Variants in PPP4R4 observed in about 807,000 individuals in gnomAD.
PPP4R4 encodes the protein protein phosphatase 4 regulatory subunit 4, also known as serine/threonine-protein phosphatase 4 regulatory subunit 4.
PPP4R4 carries 70 observed loss-of-function variants against 121.8 expected under a neutral mutation model. That is an observed-to-expected ratio of 0.57 (90% confidence interval 0.47 to 0.70). The LOEUF is 0.70. Ranked by LOEUF, PPP4R4 falls within the 30% of genes least tolerant of loss-of-function variation. The pLI is 0.00. For synonymous variants in PPP4R4, 348 were observed against 355.7 expected, an observed-to-expected ratio of 0.98 and a Z score of 0.24; for missense variants, 875 against 1,033.6, an observed-to-expected ratio of 0.85 and a Z score of 2.10.
intron 2 of PPP4R4, among the ~76,000 whole-genome samples, chr14:94,185,498 C>A (rs1227986823): frequency 1.7e-4 from 25 of 150,732 alleles, no homozygotes; most frequent in Admixed American, 1.7e-3. Flanking sequence ...CAGTGTGAGA[C>A]CCTGTCTCAA....
chr14:94,264,767 T>G (rs1385730264), intron 19 of PPP4R4, 111 bp from the exon 20 acceptor site: 1 of 812,562 alleles, frequency 1.2e-6, no homozygotes, highest in African/African-American at 1.8e-5. Context: ...AAATACTTCT[T>G]TTAGGCATTT....
chr14:94,212,493 C>T (rs1018313077), intron 3 of PPP4R4, among the ~76,000 whole-genome samples: 1 of 151,978 alleles, frequency 6.6e-6, no homozygotes, highest in Non-Finnish European at 1.5e-5. Context: ...TGCAGTTAGG[C>T]CACTCATCTG....
chr14:94,271,411 A>G (rs1401717046), intron 23 of PPP4R4, among the ~76,000 whole-genome samples: 1 of 152,222 alleles, frequency 6.6e-6, no homozygotes, highest in East Asian at 1.9e-4. Context: ...AGGAAGAAAA[A>G]TCACATGATC....
rs555897778 is a variant in PPP4R4 at position 94,278,720 on chromosome 14, G to T, written c.*77G>T. On this transcript the variant is annotated 3_prime_UTR_variant, in exon 25 of 25. Coordinates refer to ENST00000304338, the MANE Select transcript of PPP4R4 (RefSeq NM_058237.2). ...TTGGTACACAAAAGCTAAAGCAGTG[G>T]CTGGGGCTTTGTTTTTAAATTTTGG... is the stretch of plus-strand genomic sequence containing the variant. The T allele has an allele frequency of 5.8e-6, 8 of 1,368,188 alleles. No homozygotes were observed. Among genetic ancestry groups the T allele is most frequent in the Admixed American group, 2.6e-5 (1 of 38,084 alleles). The allele number at this position is 1,368,188 out of a possible 1,614,324, so 84.8% of individuals were successfully genotyped here.
chr14:94,267,045 A>T lies in PPP4R4; in HGVS notation c.2449+16A>T. ...TCACTAGCTGGTAAGTAGCAATCTA[A>T]GTTCTTCAAAAAGTTGCTAAATTTA... On this transcript the variant is annotated intron_variant, in intron 23 of 24. Transcript: ENST00000304338. 1 of 1,542,760 alleles carries T rather than the reference A, an allele frequency of 6.5e-7. No homozygotes were observed. Among genetic ancestry groups the T allele is most frequent in the East Asian group, 2.3e-5 (1 of 44,264 alleles).
intron 14 of PPP4R4, among the ~76,000 whole-genome samples, chr14:94,249,082 A>G (rs1374605983): frequency 6.6e-6 from 1 of 151,978 alleles, no homozygotes; most frequent in Non-Finnish European, 1.5e-5. Flanking sequence ...TATAATATAT[A>G]TTTTATATGA....
intron 3 of PPP4R4, among the ~76,000 whole-genome samples, chr14:94,223,894 T>C (rs1441939597): frequency 6.6e-6 from 1 of 152,126 alleles, no homozygotes; most frequent in African/African-American, 2.4e-5. Flanking sequence ...CCTGTCACCA[T>C]CTCCACATCC....
At chr14:94,207,715 T>C (rs1006493663) in intron 2 of PPP4R4, among the ~76,000 whole-genome samples, 10 of 151,586 alleles carry the variant, frequency 6.6e-5, no homozygotes, top group African/African-American at 2.4e-4. Flanking sequence ...TCTATCTATA[T>C]ATATATATGT....
chr14:94,226,803 C>T (rs1007137545), intron 3 of PPP4R4, among the ~76,000 whole-genome samples: 4 of 152,000 alleles, frequency 2.6e-5, no homozygotes, highest in Non-Finnish European at 5.9e-5. Context: ...GTTCCTTTAC[C>T]TTTTACTAGC....
intron 22 of PPP4R4, 36 bp from the exon 23 acceptor site, chr14:94,266,923 T>TA (rs1894082068): frequency 1.5e-6 from 2 of 1,368,198 alleles, no homozygotes; most frequent in East Asian, 4.6e-5. Context: ...AAGAAGTGTG[T>TA]TTTTGTATTT....
At chr14:94,233,825 T>A in intron 6 of PPP4R4, 66 bp downstream of exon 6, 1 of 1,031,302 alleles carries the variant, frequency 9.7e-7, no homozygotes, top group Non-Finnish European at 1.5e-6. Flanking sequence ...AATGACTGTG[T>A]AACAATATAT....
rs777485075 is a variant in PPP4R4, at chr14:94,265,375, A to G, written c.2198-12A>G. On this transcript the variant is annotated splice_polypyrimidine_tract_variant and intron_variant, in intron 20 of 24. Transcript: ENST00000304338. ...GAGGAAATTATACAACTTAAAGCAGAATTTATTTTAGGTAGAGACACTAAG... is the reference window on the plus strand; with the variant it reads ...GAGGAAATTATACAACTTAAAGCAGGATTTATTTTAGGTAGAGACACTAAG... 1.3e-6 allele frequency: 2 copies of G among 1,587,724 alleles called. No individual in the cohort carries two copies. Among genetic ancestry groups the G allele is most frequent in the Admixed American group, 3.3e-5 (2 of 59,896 alleles).
chr14:94,224,724 A>G (rs1464046168), intron 3 of PPP4R4, among the ~76,000 whole-genome samples: 1 of 152,152 alleles, frequency 6.6e-6, no homozygotes, highest in Admixed American at 6.5e-5. Flanking sequence ...GTTTGCAGAG[A>G]GTTGTATATA....
At chr14:94,185,588 A>G (rs374978231) in intron 2 of PPP4R4, among the ~76,000 whole-genome samples, 5 of 152,330 alleles carry the variant, frequency 3.3e-5, no homozygotes, top group Admixed American at 2.6e-4. Context: ...ATGTATGTAT[A>G]GGGCACAGTG....
chr14:94,264,815 C>T, intron 19 of PPP4R4, 63 bp from the exon 20 acceptor site: 2 of 1,268,594 alleles, frequency 1.6e-6, no homozygotes, highest in South Asian at 1.3e-5. Flanking sequence ...CTTAATTTCT[C>T]AGAACAATTT....
intron 16 of PPP4R4, among the ~76,000 whole-genome samples, chr14:94,252,564 A>G (rs141588196): frequency 5.2e-4 from 79 of 152,284 alleles, no homozygotes; most frequent in African/African-American, 1.9e-3. Flanking sequence ...ATAAGTGTAT[A>G]GTTGAGTGGC....
chr14:94,231,995 C>G (rs1288032377), intron 5 of PPP4R4, among the ~76,000 whole-genome samples: 1 of 151,908 alleles, frequency 6.6e-6, no homozygotes, highest in Non-Finnish European at 1.5e-5. Flanking sequence ...TCTCTTTATT[C>G]CTTTGCAATT....
chr14:94,195,092 G>A (rs1369558352), intron 2 of PPP4R4, among the ~76,000 whole-genome samples: 3 of 152,092 alleles, frequency 2.0e-5, no homozygotes, highest in African/African-American at 2.4e-5. Context: ...TGGACCTTCC[G>A]CTTCATTTGG....
At chr14:94,229,126 T>C (rs1474600489) in intron 3 of PPP4R4, among the ~76,000 whole-genome samples, 2 of 152,162 alleles carry the variant, frequency 1.3e-5, no homozygotes, top group African/African-American at 2.4e-5. Flanking sequence ...ATCTGACTTA[T>C]TTCTTAAAAT....
Sources: gnomAD v4.1 joint callset for allele counts (sites outside exome capture counted in the v4.1 genomes callset) on GRCh38, gnomAD v4.1.1 for gene constraint, MANE v1.5 for transcripts, NCBI Gene and HGNC (gene_info 2026-07-23, HGNC 2026-07-21) for gene names.